The following AHNAK variants were observed in gnomAD, a reference collection of about 807,000 sequenced individuals.
AHNAK encodes neuroblast differentiation-associated protein AHNAK.
Under a neutral mutation model 37.8 loss-of-function variants are expected in AHNAK, and 23 were observed. The observed-to-expected ratio is 0.61, with a 90% CI of 0.44 to 0.86. AHNAK has a LOEUF of 0.86. AHNAK is among the 40% of genes least tolerant of loss of function. The pLI is 0.00. For missense variants in AHNAK, 7,411 were observed against 7,319.4 expected (o/e 1.01, Z -0.46); for synonymous variants, 2,481 against 2,636.3 (o/e 0.94, Z 1.80).
rs1221463762 is a variant in AHNAK, at chr11:62,517,250, T to C, written c.17167A>G (p.Lys5723Glu). The C allele has an allele frequency of 1.2e-6, 2 of 1,614,108 alleles. No individual in the cohort carries two copies. Among genetic ancestry groups the C allele is most frequent in the East Asian group, 2.2e-5 (1 of 44,874 alleles). The change falls in exon 5 of 5, where the codon AAA (lysine) becomes GAA (glutamate). Residue 5723 changes from lysine to glutamate, a missense_variant. By Grantham distance (56) the Lys-to-Glu change is moderately conservative (BLOSUM62 1). Transcript: ENST00000378024. ...KMPKFNFSKP[K>E]GKGGVTGSPE... ...GAGCCAGTGACACCACCTTTCCCTT[T>C]AGGTTTGGAAAAATTAAACTTGGGC...
At position 62,515,907 on chromosome 11, in the gene AHNAK, G is replaced by T. The variant is rs1402787933; in HGVS notation, c.*837C>A. 1 of 1,149,754 alleles carries T rather than the reference G, an allele frequency of 8.7e-7. No homozygotes were observed. The highest frequency in any genetic ancestry group is 1.1e-6 in the Non-Finnish European group (1 of 920,960). 71.2% of individuals were successfully genotyped at this position (1,149,754 alleles called of 1,614,324 possible). A position where few individuals can be genotyped will look rare whatever the true frequency, so the allele number is the denominator to read the frequency against. Reference sequence around the variant, plus strand: ...GAATGCAAAGGCACAAGACATCAAGGTTAATAAACAGCTTTATTTGCCTTG... The same window carrying T: ...GAATGCAAAGGCACAAGACATCAAGTTTAATAAACAGCTTTATTTGCCTTG... On this transcript the variant is annotated 3_prime_UTR_variant, in exon 5 of 5. Transcript: ENST00000378024.
At chr11:62,461,430 C>A (rs1174621423) in intron 5 of AHNAK, among the ~76,000 whole-genome samples, 3 of 152,128 alleles carry the variant, frequency 2.0e-5, no homozygotes, top group Non-Finnish European at 4.4e-5. Context: ...AGGCGTGAGC[C>A]ACTGCGCCCG....
chr11:62,523,308 A>T lies in AHNAK; in HGVS notation c.11109T>A (p.Pro3703=). ...LPKVEGDLKG[P]EVDIKGPKVD... The stretch of plus-strand genomic sequence containing the variant: ...CTTTGGGGCCCTTGATGTCCACCTC[A>T]GGGCCTTTTAGATCACCTTCCACTT... The change falls in exon 5 of 5, where the codon CCT becomes CCA. Residue 3703 remains proline, a synonymous_variant. Coordinates refer to ENST00000378024, the MANE Select transcript of AHNAK (RefSeq NM_001620.3). The T allele has an allele frequency of 6.2e-7, 1 of 1,613,602 alleles. No homozygotes were observed. Among genetic ancestry groups the T allele is most frequent in the Non-Finnish European group, 8.5e-7 (1 of 1,179,866 alleles).
At chr11:62,510,340 G>A (rs1173200353) in intron 4 of AHNAK, among the ~76,000 whole-genome samples, 1 of 151,844 alleles carries the variant, frequency 6.6e-6, no homozygotes, top group Non-Finnish European at 1.5e-5. Flanking sequence ...CACTGCGCCC[G>A]CCCTCTATTG....
Position 62,517,985 on chromosome 11 carries a change from C to T in AHNAK, c.16432G>A (p.Gly5478Arg), listed in dbSNP as rs754204488. The change falls in exon 5 of 5, where the codon GGA becomes AGA. Residue 5478 changes from glycine (G) to arginine (R), a missense_variant. Gly to Arg is a moderately radical substitution (Grantham distance 125). Transcript: ENST00000378024. ...TGEIKGPTVG[G>R]GLPGIGVQGL... ...TGAACACCAATGCCTGGAAGACCTCCTCCGACAGTGGGGCCTTTGATCTCA... is the reference window on the plus strand; with the variant it reads ...TGAACACCAATGCCTGGAAGACCTCTTCCGACAGTGGGGCCTTTGATCTCA... 7 of 1,614,198 alleles carry T rather than the reference C, an allele frequency of 4.3e-6. No individual in the cohort carries two copies. The highest frequency in any genetic ancestry group is 2.2e-5 in the South Asian group (2 of 91,082).
intron 5 of AHNAK, among the ~76,000 whole-genome samples, chr11:62,461,143 C>T (rs28411728): frequency 2.5e-5 from 2 of 79,838 alleles, no homozygotes; most frequent in South Asian, 5.4e-4. Context: ...CCAAATTCCC[C>T]TTTTTTTTTT....
chr11:62,507,633 A>G lies in AHNAK; in HGVS notation c.343-15802T>C, dbSNP rs945826094. ...TGGCAAAACCCCGTCTCTACTAAAA[A>G]TACAAAAATTAGCTGGGCGTGGTGG... is the stretch of plus-strand genomic sequence containing the variant. On this transcript the variant is annotated intron_variant, in intron 4 of 5. Coordinates refer to the AHNAK transcript ENST00000257247. Among the ~76,000 whole-genome samples the G allele has an allele frequency of 7.2e-5, 11 of 152,306 alleles. No homozygotes were observed. In the South Asian group the frequency reaches 1.2e-3, roughly 17 times the overall value.
chr11:62,522,323 C>G lies in AHNAK; in HGVS notation c.12094G>C (p.Ala4032Pro), dbSNP rs139163756. 6.2e-6 allele frequency: 10 copies of G among 1,613,092 alleles called. No homozygotes were observed. In the African/African-American group the frequency reaches 1.2e-4, roughly 19 times the overall value. The change falls in exon 5 of 5, where the codon GCC becomes CCC. Residue 4032 changes from alanine (A) to proline (P), a missense_variant. Ala to Pro is a conservative substitution (Grantham distance 27, BLOSUM62 -1). Transcript: ENST00000378024. Reference protein sequence around the residue: ...SLPKMEGDLKAPEVDIKGPKV... With the variant: ...SLPKMEGDLKPPEVDIKGPKV... ...GGGCCCTTGATGTCAACTTCAGGGGCCTTTAGATCACCTTCCATCTTAGGC... is the reference window on the plus strand; with the variant it reads ...GGGCCCTTGATGTCAACTTCAGGGGGCTTTAGATCACCTTCCATCTTAGGC...
chr11:62,520,632 C>A lies in AHNAK; in HGVS notation c.13785G>T (p.Met4595Ile), dbSNP rs775231874. The A allele has an allele frequency of 6.2e-7, 1 of 1,614,076 alleles. No homozygotes were observed. Among genetic ancestry groups the A allele is most frequent in the South Asian group, 1.1e-5 (1 of 91,076 alleles). Reference sequence around the variant, plus strand: ...CTTTCAGATTCAGGTCAACTTCAGGCATAGAGATCTTCGGTGCCTTGAGGT... The same window carrying A: ...CTTTCAGATTCAGGTCAACTTCAGGAATAGAGATCTTCGGTGCCTTGAGGT... ...DLHLKAPKIS[M>I]PEVDLNLKGP... is the part of the protein sequence containing the mutation. The change falls in exon 5 of 5, where the codon ATG (methionine) becomes ATT (isoleucine). Residue 4595 changes from methionine (M) to isoleucine (I), a missense_variant. Met to Ile is a conservative substitution (Grantham distance 10, BLOSUM62 1). Transcript: ENST00000378024.
chr11:62,522,921 G>C lies in AHNAK; in HGVS notation c.11496C>G (p.Asp3832Glu), dbSNP rs771105960. 2.5e-6 allele frequency: 4 copies of C among 1,612,962 alleles called. No homozygotes were observed. The Admixed American group carries it at 6.7e-5, about 27-fold the overall frequency. The change falls in exon 5 of 5, where the codon GAC (aspartate) becomes GAG (glutamate). Residue 3832 changes from aspartate (D) to glutamate (E), a missense_variant. Coordinates refer to ENST00000378024, the MANE Select transcript of AHNAK (RefSeq NM_001620.3). ...CCACCTTGGGTCCTGAGACATCAAGGTCAGCCTTGGGCAGGTTCACATCCA... is the reference window on the plus strand; with the variant it reads ...CCACCTTGGGTCCTGAGACATCAAGCTCAGCCTTGGGCAGGTTCACATCCA... ...PDVDVNLPKA[D>E]LDVSGPKVDI... is the part of the protein sequence containing the mutation.
In AHNAK at chr11:62,528,195, C is replaced by T. The variant is rs1940577944; in HGVS notation, c.6222G>A (p.Lys2074=). 2 of 1,614,046 alleles carry T rather than the reference C, an allele frequency of 1.2e-6. No homozygotes were observed. The highest frequency in any genetic ancestry group is 2.7e-5 in the African/African-American group (2 of 74,966). The change falls in exon 5 of 5, where the codon AAG becomes AAA. Residue 2074 remains lysine (K), a synonymous_variant. Coordinates refer to ENST00000378024, the MANE Select transcript of AHNAK (RefSeq NM_001620.3). The part of the protein sequence containing the change: ...EGPEVDVNLP[K]ADVVVSGPKV... The stretch of plus-strand genomic sequence containing the variant: ...TGGGTCCTGAGACAACAACATCAGC[C>T]TTGGGCAAGTTCACATCCACTTCTG...
At chr11:62,508,151 G>A (rs991240937) in intron 4 of AHNAK, among the ~76,000 whole-genome samples, 2 of 152,092 alleles carry the variant, frequency 1.3e-5, no homozygotes, top group African/African-American at 4.8e-5. Flanking sequence ...TAAAAAGTCC[G>A]AGTTCAAGTC....
At chr11:62,480,220 G>C (rs1248295910) in intron 5 of AHNAK, among the ~76,000 whole-genome samples, 1 of 152,202 alleles carries the variant, frequency 6.6e-6, no homozygotes, top group Admixed American at 6.5e-5. Flanking sequence ...TCTTGCCTCG[G>C]ATCCTTTCTA....
intron 5 of AHNAK, among the ~76,000 whole-genome samples, chr11:62,452,932 C>A (rs958688253): frequency 2.0e-5 from 3 of 152,060 alleles, no homozygotes; most frequent in African/African-American, 7.2e-5. Context: ...AGCTAAGGCA[C>A]AAGAATCGCT....
chr11:62,538,385 G>T (rs143502623), intron 1 of AHNAK, among the ~76,000 whole-genome samples: 2 of 152,306 alleles, frequency 1.3e-5, no homozygotes, highest in African/African-American at 4.8e-5. Context: ...TCATCTGCAG[G>T]TGCCCTAGAA....
chr11:62,510,089 A>T (rs947965191), intron 4 of AHNAK, among the ~76,000 whole-genome samples: 1 of 151,628 alleles, frequency 6.6e-6, no homozygotes, highest in African/African-American at 2.4e-5. Context: ...ACGGAGTCTC[A>T]CTCTGTCGCC....
intron 4 of AHNAK, among the ~76,000 whole-genome samples, chr11:62,492,436 A>G (rs1385093835): frequency 1.3e-5 from 2 of 152,214 alleles, no homozygotes; most frequent in African/African-American, 2.4e-5. Flanking sequence ...CCACCTGGCC[A>G]TGGGATTCCC....
chr11:62,458,415 CA>C (rs1938714674), intron 5 of AHNAK, among the ~76,000 whole-genome samples: 1 of 152,094 alleles, frequency 6.6e-6, no homozygotes, highest in Non-Finnish European at 1.5e-5. Flanking sequence ...GTACAGAGTG[CA>C]CCACGGTTCT....
At chr11:62,491,846 G>C in intron 4 of AHNAK, 1 of 1,601,200 alleles carries the variant, frequency 6.2e-7, no homozygotes, top group Non-Finnish European at 8.5e-7. Flanking sequence ...CAAGGATAAA[G>C]ATTATCACCA....
Sources: gnomAD v4.1 joint callset for allele counts (sites outside exome capture counted in the v4.1 genomes callset) on GRCh38, gnomAD v4.1.1 for gene constraint, MANE v1.5 for transcripts, NCBI Gene and HGNC (gene_info 2026-07-23, HGNC 2026-07-21) for gene names.